Variants in KCNC2 observed in about 807,000 individuals in gnomAD.
KCNC2 encodes the protein potassium voltage-gated channel subfamily C member 2.
A neutral mutation model predicts 44.5 loss-of-function variants in KCNC2; 21 were observed. The observed-to-expected ratio is 0.47, with a 90% CI of 0.33 to 0.68. The LOEUF is 0.68. KCNC2 is among the 30% of genes least tolerant of loss of function. The probability of loss-of-function intolerance (pLI) is 0.01; values close to 1 mark genes in which losing one functional copy is unlikely to be tolerated. For missense variants in KCNC2, 589 were observed against 826.2 expected, an observed-to-expected ratio of 0.71 and a Z score of 3.52; for synonymous variants, 391 against 339.1, an observed-to-expected ratio of 1.15 and a Z score of -1.68.
At chr12:75,122,719 C>G (rs1888130789) in intron 2 of KCNC2, among the ~76,000 whole-genome samples, 1 of 151,618 alleles carries the variant, frequency 6.6e-6, no homozygotes, top group African/African-American at 2.4e-5. Context: ...TTTTGTTCAT[C>G]TATGAAATAT....
intron 2 of KCNC2, among the ~76,000 whole-genome samples, chr12:75,122,412 G>A (rs1888108827): frequency 6.6e-6 from 1 of 152,196 alleles, no homozygotes; most frequent in African/African-American, 2.4e-5. Context: ...ACATAAGAAT[G>A]AGCATATAAT....
At chr12:75,078,688 A>G (rs907084694) in intron 2 of KCNC2, among the ~76,000 whole-genome samples, 10 of 152,186 alleles carry the variant, frequency 6.6e-5, no homozygotes, top group African/African-American at 1.9e-4. Flanking sequence ...GCACATAGAT[A>G]ATAGGTGGTA....
Position 75,040,939 on chromosome 12 carries a change from C to T in KCNC2, c.*2166G>A. On this transcript the variant is annotated 3_prime_UTR_variant, in exon 5 of 5. Coordinates refer to ENST00000549446, the MANE Select transcript of KCNC2 (RefSeq NM_139137.4). ...ATGGCCAAGACTGTTGACCCATGCA[C>T]ACATGTTGGTATTTACAGTTGTTTC... is the stretch of plus-strand genomic sequence containing the variant. The T allele has an allele frequency of 1.6e-6, 1 of 607,614 alleles. No individual in the cohort carries two copies. The highest frequency in any genetic ancestry group is 2.0e-5 in the South Asian group (1 of 50,990). The allele number at this position is 607,614 out of a possible 1,614,324, so 37.6% of individuals were successfully genotyped here.
At chr12:75,086,677 A>AT (rs1471675084) in intron 2 of KCNC2, among the ~76,000 whole-genome samples, 65 of 27,646 alleles carry the variant, frequency 2.4e-3, no homozygotes, top group African/African-American at 7.9e-3. Context: ...AAAAAAAAAA[A>AT]AAAAATATAT....
chr12:75,108,868 T>C (rs1379968), intron 2 of KCNC2, among the ~76,000 whole-genome samples: 59,556 of 152,076 alleles, frequency 0.39, 12,922 homozygotes, highest in African/African-American at 0.57. Context: ...TAGGAAATAT[T>C]ATTCCAAAAT....
chr12:75,058,923 A>G (rs1248316113), intron 2 of KCNC2, among the ~76,000 whole-genome samples: 1 of 152,034 alleles, frequency 6.6e-6, no homozygotes, highest in Non-Finnish European at 1.5e-5. Flanking sequence ...ATCTTTGTTT[A>G]GTGGACATCT....
chr12:75,125,035 G>T (rs947246329), intron 2 of KCNC2: 2 of 152,244 alleles, frequency 1.3e-5, no homozygotes, highest in African/African-American at 4.8e-5. Flanking sequence ...GAACCCAGGA[G>T]GCGGAGCTTG....
chr12:75,084,399 C>T (rs950003767), intron 2 of KCNC2, among the ~76,000 whole-genome samples: 1 of 151,654 alleles, frequency 6.6e-6, no homozygotes, highest in Non-Finnish European at 1.5e-5. Flanking sequence ...AATTGTATCC[C>T]CCAGAATTCC....
chr12:75,111,000 A>T (rs1887192916), intron 2 of KCNC2, among the ~76,000 whole-genome samples: 1 of 152,144 alleles, frequency 6.6e-6, no homozygotes, highest in South Asian at 2.1e-4. Context: ...ACTATATACA[A>T]TTTTATGGAA....
chr12:75,138,681 T>C (rs1197157537), intron 2 of KCNC2, among the ~76,000 whole-genome samples: 1 of 152,028 alleles, frequency 6.6e-6, no homozygotes, highest in Non-Finnish European at 1.5e-5. Context: ...GTTTTACCTA[T>C]AAGAAAACGG....
At chr12:75,066,190 C>T (rs909869487) in intron 2 of KCNC2, among the ~76,000 whole-genome samples, 1 of 152,054 alleles carries the variant, frequency 6.6e-6, no homozygotes, top group African/African-American at 2.4e-5. Context: ...CCAATGTTCA[C>T]AGTGTCACAA....
intron 2 of KCNC2, among the ~76,000 whole-genome samples, chr12:75,096,497 T>C (rs1284585555): frequency 6.6e-6 from 1 of 152,042 alleles, no homozygotes; most frequent in Non-Finnish European, 1.5e-5. Flanking sequence ...AATTTCTAAA[T>C]AAATAATTTT....
At chr12:75,110,183 G>C (rs745550338) in intron 2 of KCNC2, among the ~76,000 whole-genome samples, 61 of 152,086 alleles carry the variant, frequency 4.0e-4, no homozygotes, top group Non-Finnish European at 7.5e-4. Context: ...AGATTGAAAG[G>C]GTTCACCATG....
rs12426067 is a variant in KCNC2, at chr12:75,187,779, C to T, written c.687+19518G>A. On this transcript the variant is annotated intron_variant, in intron 2 of 4. Transcript: ENST00000549446. ...GACTATAAATGAAAATTATGAGAAC[C>T]CAAATTGCCAGAAGAATGCATATAC... Among the ~76,000 whole-genome samples, 3 of 152,024 alleles carry T rather than the reference C, an allele frequency of 2.0e-5. No homozygotes were observed. In the South Asian group the frequency reaches 6.2e-4, roughly 31 times the overall value.
At chr12:75,182,980 C>T (rs1892705420) in intron 2 of KCNC2, among the ~76,000 whole-genome samples, 1 of 152,164 alleles carries the variant, frequency 6.6e-6, no homozygotes, top group South Asian at 2.1e-4. Flanking sequence ...GCACAGTGAG[C>T]CTAACAGCAG....
At chr12:75,067,751 C>T (rs762720724) in intron 2 of KCNC2, among the ~76,000 whole-genome samples, 1 of 152,110 alleles carries the variant, frequency 6.6e-6, no homozygotes, top group African/African-American at 2.4e-5. Context: ...TAGCTCCTCT[C>T]GCTGTAACTC....
chr12:75,201,266 A>G (rs2031232011), intron 2 of KCNC2, among the ~76,000 whole-genome samples: 2 of 64,182 alleles, frequency 3.1e-5, no homozygotes, highest in Non-Finnish European at 6.2e-5. Context: ...AAATTGGAAA[A>G]AAAAAAAAAA....
chr12:75,198,922 A>G (rs936761631), intron 2 of KCNC2, among the ~76,000 whole-genome samples: 8 of 151,840 alleles, frequency 5.3e-5, no homozygotes, highest in African/African-American at 1.9e-4. Context: ...CATGTAATAT[A>G]TATTTAGAGT....
intron 2 of KCNC2, among the ~76,000 whole-genome samples, chr12:75,097,095 CA>C (rs917362213): frequency 6.6e-6 from 1 of 151,284 alleles, no homozygotes; most frequent in Non-Finnish European, 1.5e-5. Context: ...CAACAAACCA[CA>C]AAAAAAATTA....
Sources: allele counts gnomAD v4.1 joint callset (sites outside exome capture counted in the v4.1 genomes callset), GRCh38; gene constraint gnomAD v4.1.1; transcripts MANE v1.5; gene names NCBI Gene and HGNC (gene_info 2026-07-23, HGNC 2026-07-21).